The following PLPPR5 variants were observed in gnomAD, a reference collection of about 807,000 sequenced individuals.
PLPPR5 encodes the protein phospholipid phosphatase-related protein type 5.
In PLPPR5, 16 loss-of-function variants were observed where a neutral mutation model predicts 33.9. That is an observed-to-expected ratio of 0.47 (90% CI 0.32 to 0.72). PLPPR5 has a LOEUF of 0.72. Among genes scored for constraint, PLPPR5 ranks in the 30% least tolerant of loss-of-function variants. The probability of loss-of-function intolerance (pLI) is 0.03; values close to 1 mark genes in which losing one functional copy is unlikely to be tolerated. For synonymous variants in PLPPR5, 163 were observed against 150.3 expected (o/e 1.08, Z -0.62); for missense variants, 301 against 406.7 (o/e 0.74, Z 2.23).
chr1:98,890,971 C>T lies in PLPPR5; in HGVS notation c.*2101G>A, dbSNP rs1410039458. On this transcript the variant is annotated 3_prime_UTR_variant, in exon 6 of 6. Coordinates refer to ENST00000263177, the MANE Select transcript of PLPPR5 (RefSeq NM_001037317.2). ...AAGGCTTCCAACAGGAAAAACATTC[C>T]TGCTTGGCTGCTTGGAAGTCTGATG... is the stretch of plus-strand genomic sequence containing the variant. 6.6e-6 allele frequency: 1 copy of T among 152,102 alleles called. No individual in the cohort carries two copies. The highest frequency in any genetic ancestry group is 1.5e-5 in the Non-Finnish European group (1 of 68,014). The allele number at this position is 152,102 out of a possible 1,614,324, so 9.4% of individuals were successfully genotyped here.
chr1:98,965,577 A>T (rs1305124525), intron 1 of PLPPR5, among the ~76,000 whole-genome samples: 2 of 152,204 alleles, frequency 1.3e-5, no homozygotes, highest in Non-Finnish European at 2.9e-5. Context: ...TGTGAATCAT[A>T]AATGTCTCCA....
At chr1:98,967,149 T>G (rs2101239877) in intron 1 of PLPPR5, among the ~76,000 whole-genome samples, 1 of 152,238 alleles carries the variant, frequency 6.6e-6, no homozygotes, top group South Asian at 2.1e-4. Flanking sequence ...CTATTCTAGG[T>G]ATTGCAATAA....
chr1:98,912,704 A>G (rs1046603661), intron 5 of PLPPR5, among the ~76,000 whole-genome samples: 66 of 152,310 alleles, frequency 4.3e-4, no homozygotes, highest in African/African-American at 1.5e-3. Context: ...GAAGAAGGTG[A>G]GAAGGAATAC....
At chr1:98,963,230 C>T (rs1651311250) in intron 1 of PLPPR5, among the ~76,000 whole-genome samples, 1 of 152,164 alleles carries the variant, frequency 6.6e-6, no homozygotes, top group Admixed American at 6.5e-5. Flanking sequence ...TACATATTGC[C>T]TATTCTATTG....
intron 5 of PLPPR5, among the ~76,000 whole-genome samples, chr1:98,912,212 A>G (rs1174898803): frequency 6.6e-6 from 1 of 152,244 alleles, no homozygotes; most frequent in Non-Finnish European, 1.5e-5. Context: ...CTGCTTATCA[A>G]TGATCTGGAC....
At chr1:98,952,807 A>C (rs1275814946) in intron 3 of PLPPR5, among the ~76,000 whole-genome samples, 1 of 152,176 alleles carries the variant, frequency 6.6e-6, no homozygotes, top group African/African-American at 2.4e-5. Flanking sequence ...TGTTTAATAT[A>C]AAGACAAACA....
intron 5 of PLPPR5, among the ~76,000 whole-genome samples, chr1:98,910,551 T>C (rs1201463173): frequency 6.6e-6 from 1 of 152,150 alleles, no homozygotes; most frequent in African/African-American, 2.4e-5. Context: ...GTATAAAACA[T>C]TGGAATAAAT....
In PLPPR5 at chr1:98,941,971, C is replaced by G. The variant is rs937516471; in HGVS notation, c.621+11099G>C. Among the ~76,000 whole-genome samples, 4 of 144,504 alleles carry G rather than the reference C, an allele frequency of 2.8e-5. 1 individual carries two copies. The highest frequency in any genetic ancestry group is 1.4e-4 in the Admixed American group (2 of 13,834). 94.8% of individuals were successfully genotyped at this position (144,504 alleles called of 152,430 possible). On this transcript the variant is annotated intron_variant, in intron 3 of 5. Transcript: ENST00000263177. ...AGAAGGAGTTTGATAACTGCAATTACAGATACATATATGTATACGTATATA... is the reference window on the plus strand; with the variant it reads ...AGAAGGAGTTTGATAACTGCAATTAGAGATACATATATGTATACGTATATA...
At chr1:98,971,412 A>G (rs1651654893) in intron 1 of PLPPR5, among the ~76,000 whole-genome samples, 1 of 152,004 alleles carries the variant, frequency 6.6e-6, no homozygotes, top group Non-Finnish European at 1.5e-5. Context: ...GAAAAAAAAA[A>G]GTATGACTAC....
At chr1:98,991,277 T>C (rs1211844699) in intron 1 of PLPPR5, 2 of 149,238 alleles carry the variant, frequency 1.3e-5, no homozygotes, top group Admixed American at 6.7e-5. Flanking sequence ...TTTTGCCTAT[T>C]TGAAAAAAAA....
At chr1:98,985,239 T>C (rs1487615912) in intron 1 of PLPPR5, among the ~76,000 whole-genome samples, 1 of 151,946 alleles carries the variant, frequency 6.6e-6, no homozygotes, top group Non-Finnish European at 1.5e-5. Context: ...ATAACTGAGT[T>C]CCTCTGGGAT....
At position 98,916,068 on chromosome 1, in the gene PLPPR5, T is replaced by C. The variant is rs979060338; in HGVS notation, c.799-1148A>G. ...CATTTACATTTCATATTTTCACAAA[T>C]GCTACACTGAAAAGCCTTTTCTTTC... On this transcript the variant is annotated intron_variant, in intron 4 of 5. Transcript: ENST00000263177. 2.0e-5 allele frequency among the ~76,000 whole-genome samples: 3 copies of C among 152,208 alleles called. No homozygotes were observed. The East Asian group carries it at 5.8e-4, about 29-fold the overall frequency.
chr1:98,908,136 T>C (rs1431923902), intron 5 of PLPPR5, among the ~76,000 whole-genome samples: 1 of 152,202 alleles, frequency 6.6e-6, no homozygotes, highest in East Asian at 1.9e-4. Context: ...CTCCTTATTC[T>C]GTTAGAGATT....
chr1:98,959,645 A>G (rs573978175), intron 1 of PLPPR5, among the ~76,000 whole-genome samples: 1 of 152,136 alleles, frequency 6.6e-6, no homozygotes, highest in Non-Finnish European at 1.5e-5. Flanking sequence ...GATTCCGAGC[A>G]TACATGATTT....
Position 98,939,131 on chromosome 1 carries a change from T to TA in PLPPR5, c.621+13938dup, listed in dbSNP as rs1405780879. ...TGAACCCCTGAAATTAAAATAAAAT[T>TA]AAAAAATTAAATATATATTAAATTT... is the stretch of plus-strand genomic sequence containing the variant. On this transcript the variant is annotated intron_variant, in intron 3 of 5. Transcript: ENST00000263177. Among the ~76,000 whole-genome samples the TA allele has an allele frequency of 5.9e-5, 9 of 151,768 alleles. No individual in the cohort carries two copies. The East Asian group carries it at 1.7e-3, about 29-fold the overall frequency.
At chr1:98,939,270 T>C in intron 3 of PLPPR5, among the ~76,000 whole-genome samples, 1 of 148,070 alleles carries the variant, frequency 6.8e-6, no homozygotes, top group South Asian at 2.1e-4. Context: ...TAGTTATTAC[T>C]GAAAATAATT....
chr1:98,918,247 G>A (rs1649429166), intron 4 of PLPPR5, among the ~76,000 whole-genome samples: 2 of 152,114 alleles, frequency 1.3e-5, no homozygotes, highest in South Asian at 2.1e-4. Flanking sequence ...GTAAACATGG[G>A]CAAGTTACTT....
At chr1:99,004,897 T>TCCCCTGCCCGC (rs922276633), upstream of PLPPR5, 2 of 195,664 alleles carry the variant, frequency 1.0e-5, no homozygotes. Context: ...GAGCCCCCTC[T>TCCCCTGCCCGC]CCCCTGCCCG....
At chr1:98,904,524 A>G (rs1296379979) in intron 5 of PLPPR5, among the ~76,000 whole-genome samples, 1 of 152,052 alleles carries the variant, frequency 6.6e-6, no homozygotes, top group Non-Finnish European at 1.5e-5. Flanking sequence ...ATTTTTAAAT[A>G]TTTTTGTTCT....
Sources: gnomAD v4.1 joint callset for allele counts (sites outside exome capture counted in the v4.1 genomes callset) on GRCh38, gnomAD v4.1.1 for gene constraint, MANE v1.5 for transcripts, NCBI Gene and HGNC (gene_info 2026-07-23, HGNC 2026-07-21) for gene names.